SYNJ1: variants seen among roughly 807,000 people sequenced by gnomAD.
SYNJ1 encodes synaptojanin 1.
In SYNJ1, 78 loss-of-function variants were observed where a neutral mutation model predicts 168.2. The observed-to-expected ratio is 0.46, with a 90% confidence interval of 0.39 to 0.56. The LOEUF (loss-of-function observed/expected upper bound fraction) is 0.56, where lower values mean the gene tolerates loss of function less well. Among genes scored for constraint, SYNJ1 ranks in the 20% least tolerant of loss-of-function variants. The pLI is 0.00. For missense variants in SYNJ1, 1,303 were observed against 1,597.6 expected (o/e 0.82, Z 3.14); for synonymous variants, 539 against 548.6 (o/e 0.98, Z 0.24).
intron 10 of SYNJ1, 149 bp from the exon 11 acceptor site, chr21:32,681,797 G>C (rs1437700664): frequency 3.2e-6 from 2 of 619,288 alleles, no homozygotes; most frequent in African/African-American, 1.9e-5. Flanking sequence ...ACTAGGCTGA[G>C]TTATTTCCCA....
intron 2 of SYNJ1, among the ~76,000 whole-genome samples, chr21:32,720,262 A>G (rs1022156134): frequency 2.6e-5 from 4 of 152,122 alleles, no homozygotes; most frequent in African/African-American, 9.7e-5. Flanking sequence ...ACAAAAACAA[A>G]AACAACTTAA....
In SYNJ1 at chr21:32,657,911, G is replaced by A. The variant is rs115701186; in HGVS notation, c.2305-39C>T. ...ATACAAAGTAAGTTATTCCCAAACA[G>A]CAACAAGTTCTGTTTTCATTCAGAC... On this transcript the variant is annotated intron_variant, in intron 18 of 32. Transcript: ENST00000674351. 629 of 1,535,104 alleles carry A rather than the reference G, an allele frequency of 4.1e-4. No individual in the cohort carries two copies. The African/African-American group carries it at 4.8e-3, about 12-fold the overall frequency.
rs1389768792 is a variant in SYNJ1, at chr21:32,665,957, A to G, written c.2131T>C (p.Leu711=). The change falls in exon 17 of 33, where the codon TTG becomes CTG. Residue 711 remains leucine (L), a synonymous_variant. Coordinates refer to ENST00000674351, the MANE Select transcript of SYNJ1 (RefSeq NM_203446.3). ...NEDFIEIARK[L]SFPMGRMLFS... Reference sequence around the variant, plus strand: ...CAAGAGCTTACCATAGGAAAACTCAATTTTCGTGCTATTTCTATAAAATCT... The same window carrying G: ...CAAGAGCTTACCATAGGAAAACTCAGTTTTCGTGCTATTTCTATAAAATCT... The G allele has an allele frequency of 6.8e-6, 11 of 1,608,380 alleles. No individual in the cohort carries two copies. Among genetic ancestry groups the G allele is most frequent in the Non-Finnish European group, 9.3e-6 (11 of 1,177,460 alleles).
At chr21:32,677,982 T>C (rs1365376103) in intron 12 of SYNJ1, among the ~76,000 whole-genome samples, 2 of 152,190 alleles carry the variant, frequency 1.3e-5, no homozygotes, top group Admixed American at 6.6e-5. Flanking sequence ...AAAGTAAGTC[T>C]AATCTATTAA....
At position 32,685,739 on chromosome 21, in the gene SYNJ1, C is replaced by T. The variant is rs1241098561; in HGVS notation, c.1118+9G>A. 11 of 1,558,426 alleles carry T rather than the reference C, an allele frequency of 7.1e-6. No individual in the cohort carries two copies. The highest frequency in any genetic ancestry group is 9.5e-6 in the Non-Finnish European group (11 of 1,157,342). The stretch of plus-strand genomic sequence containing the variant: ...CAATTCAAAGAACAGAGAAACAGAA[C>T]AGTCAAACCTTTGAACTTCACTTCC... On this transcript the variant is annotated intron_variant, in intron 9 of 32. Transcript: ENST00000674351.
chr21:32,722,596 C>G (rs2043288692), intron 2 of SYNJ1, among the ~76,000 whole-genome samples: 1 of 152,168 alleles, frequency 6.6e-6, no homozygotes, highest in South Asian at 2.1e-4. Context: ...TATTTTCAAA[C>G]ATAATAACTG....
chr21:32,695,633 ATATT>A (rs759113240), intron 4 of SYNJ1, among the ~76,000 whole-genome samples: 12,138 of 147,954 alleles, frequency 0.082, 558 homozygotes, highest in Middle Eastern at 0.1. Context: ...TTTTAAAAAA[ATATT>A]TATTTATTTA....
chr21:32,659,722 C>G (rs2040603730), intron 18 of SYNJ1, among the ~76,000 whole-genome samples: 1 of 152,198 alleles, frequency 6.6e-6, no homozygotes, highest in Non-Finnish European at 1.5e-5. Flanking sequence ...TCGGGGAGCT[C>G]AGTTTTTGGA....
chr21:32,662,680 A>G (rs571704676), intron 18 of SYNJ1, among the ~76,000 whole-genome samples: 1 of 152,296 alleles, frequency 6.6e-6, no homozygotes, highest in East Asian at 1.9e-4. Context: ...TTTGATTGGG[A>G]AAAAGGCTAT....
At position 32,686,700 on chromosome 21, in the gene SYNJ1, T is replaced by C. The variant is rs1316822744; in HGVS notation, c.948+278A>G. Among the ~76,000 whole-genome samples, 3 of 152,310 alleles carry C rather than the reference T, an allele frequency of 2.0e-5. No homozygotes were observed. In the East Asian group the frequency reaches 5.8e-4, roughly 29 times the overall value. Reference sequence around the variant, plus strand: ...TCTACTAGTGACAGATAAACATTTTTGGCAAGGAGGGTATTTTTCTGTTTC... The same window carrying C: ...TCTACTAGTGACAGATAAACATTTTCGGCAAGGAGGGTATTTTTCTGTTTC... On this transcript the variant is annotated intron_variant, in intron 8 of 32. Transcript: ENST00000674351.
intron 2 of SYNJ1, among the ~76,000 whole-genome samples, chr21:32,717,352 C>T (rs1397558936): frequency 6.6e-6 from 1 of 152,156 alleles, no homozygotes; most frequent in East Asian, 1.9e-4. Context: ...GTTTTAATGT[C>T]CTTGTCTATT....
intron 22 of SYNJ1, among the ~76,000 whole-genome samples, chr21:32,652,538 G>A (rs2040311431): frequency 1.3e-5 from 2 of 152,200 alleles, no homozygotes; most frequent in Admixed American, 1.3e-4. Context: ...CAAAGAAGTT[G>A]ATGTGACAGA....
At chr21:32,644,198 T>C (rs569246344) in intron 26 of SYNJ1, among the ~76,000 whole-genome samples, 1 of 152,250 alleles carries the variant, frequency 6.6e-6, no homozygotes, top group Non-Finnish European at 1.5e-5. Flanking sequence ...AAAAATTAAA[T>C]GTTTTCTGTA....
intron 18 of SYNJ1, chr21:32,658,479 A>G (rs2040548776): frequency 6.6e-6 from 1 of 152,346 alleles, no homozygotes; most frequent in African/African-American, 2.4e-5. Flanking sequence ...ACCATCTTCA[A>G]TTCGTTCATG....
At chr21:32,716,240 T>A (rs1032051136) in intron 2 of SYNJ1, among the ~76,000 whole-genome samples, 19 of 152,258 alleles carry the variant, frequency 1.2e-4, no homozygotes, top group African/African-American at 4.6e-4. Flanking sequence ...TCACTTTGTA[T>A]GCTTCTTTCA....
chr21:32,630,806 A>C lies in SYNJ1; in HGVS notation c.*999T>G. On this transcript the variant is annotated 3_prime_UTR_variant, in exon 33 of 33. Coordinates refer to ENST00000674351, the MANE Select transcript of SYNJ1 (RefSeq NM_203446.3). The stretch of plus-strand genomic sequence containing the variant: ...GAGAAATACATCAAAACTCCAGTTA[A>C]CAATGAGAAGGGTTTTTCCTTATTT... The C allele has an allele frequency of 1.8e-6, 1 of 553,050 alleles. No homozygotes were observed. The highest frequency in any genetic ancestry group is 3.1e-6 in the Non-Finnish European group (1 of 327,078). The allele number at this position is 553,050 out of a possible 1,614,324, so 34.3% of individuals were successfully genotyped here. A position where few individuals can be genotyped will look rare whatever the true frequency, so the allele number is the denominator to read the frequency against.
At position 32,631,114 on chromosome 21, in the gene SYNJ1, A is replaced by G. The variant is rs2039304593; in HGVS notation, c.*691T>C. 1 of 1,614,048 alleles carries G rather than the reference A, an allele frequency of 6.2e-7. No individual in the cohort carries two copies. The highest frequency in any genetic ancestry group is 8.5e-7 in the Non-Finnish European group (1 of 1,180,034). The stretch of plus-strand genomic sequence containing the variant: ...ACAGGAGGTGGAGGAGGTCTTCTTG[A>G]CGGCAACACACAGAAGGAGACATTT... On this transcript the variant is annotated 3_prime_UTR_variant, in exon 33 of 33. Coordinates refer to ENST00000674351, the MANE Select transcript of SYNJ1 (RefSeq NM_203446.3).
intron 18 of SYNJ1, among the ~76,000 whole-genome samples, chr21:32,664,444 C>A (rs898275777): frequency 6.6e-6 from 1 of 152,152 alleles, no homozygotes; most frequent in African/African-American, 2.4e-5. Context: ...AAAAATCAAC[C>A]CTTGACCTAA....
chr21:32,666,675 G>A, intron 15 of SYNJ1, 102 bp from the exon 16 acceptor site: 1 of 1,207,870 alleles, frequency 8.3e-7, no homozygotes, highest in Non-Finnish European at 1.1e-6. Flanking sequence ...AATATCCTAA[G>A]ACTCTGAAGG....
Sources: gnomAD v4.1 joint callset for allele counts (sites outside exome capture counted in the v4.1 genomes callset) on GRCh38, gnomAD v4.1.1 for gene constraint, MANE v1.5 for transcripts, NCBI Gene and HGNC (gene_info 2026-07-23, HGNC 2026-07-21) for gene names.